TAMM41: variants seen among roughly 807,000 people sequenced by gnomAD.
TAMM41 encodes the protein phosphatidate cytidylyltransferase, mitochondrial.
Under a neutral mutation model 44.1 loss-of-function variants are expected in TAMM41, and 36 were observed. The ratio of observed to expected loss-of-function variants is 0.82; its 90% CI spans 0.63 to 1.08. The LOEUF (loss-of-function observed/expected upper bound fraction) is 1.08, where lower values mean the gene tolerates loss of function less well. Among genes scored for constraint, TAMM41 ranks in the 50% least tolerant of loss-of-function variants. The pLI is 0.00. For synonymous variants in TAMM41, 164 were observed against 153.1 expected (o/e 1.07, Z -0.53); for missense variants, 417 against 404.3 (o/e 1.03, Z -0.27).
intron 6 of TAMM41, chr3:11,808,612 T>C (rs1027374834): frequency 4.1e-6 from 4 of 985,440 alleles, no homozygotes; most frequent in Non-Finnish European, 4.8e-6. Context: ...ATGCACTCAA[T>C]TGACAGAGGG....
At chr3:11,764,185 A>G in the TAMM41 span, among the ~76,000 whole-genome samples, 1 of 151,888 alleles carries the variant, frequency 6.6e-6, no homozygotes, top group East Asian at 1.9e-4. Context: ...TTGTAGAGAC[A>G]GGGTCTCACT....
the TAMM41 span, among the ~76,000 whole-genome samples, chr3:11,770,915 G>T: frequency 6.6e-6 from 1 of 152,240 alleles, no homozygotes; most frequent in Admixed American, 6.5e-5. Flanking sequence ...GGAGGGCCAG[G>T]CCAGGCTCGC....
At chr3:11,756,358 A>T in the TAMM41 span, among the ~76,000 whole-genome samples, 7 of 152,118 alleles carry the variant, frequency 4.6e-5, no homozygotes, top group Non-Finnish European at 1.0e-4. Context: ...GGCCATGCAG[A>T]GGAATAGGCA....
At chr3:11,836,944 TA>T (rs1475601886) in intron 3 of TAMM41, among the ~76,000 whole-genome samples, 1 of 152,382 alleles carries the variant, frequency 6.6e-6, no homozygotes, top group Admixed American at 6.5e-5. Context: ...TTCTGGACTT[TA>T]AAAAATGTTT....
At chr3:11,839,045 T>C (rs2079313315) in intron 3 of TAMM41, among the ~76,000 whole-genome samples, 177 bp downstream of exon 3, 1 of 152,240 alleles carries the variant, frequency 6.6e-6, no homozygotes, top group Non-Finnish European at 1.5e-5. Flanking sequence ...ATATTTCTTC[T>C]TATATCACAA....
intron 4 of TAMM41, among the ~76,000 whole-genome samples, chr3:11,828,283 C>T (rs899235205): frequency 6.6e-6 from 1 of 152,178 alleles, no homozygotes; most frequent in Non-Finnish European, 1.5e-5. Flanking sequence ...ATCAGCTAAA[C>T]TTGGTAGCAG....
At chr3:11,726,800 C>CAAA in the TAMM41 span, among the ~76,000 whole-genome samples, 62 of 93,076 alleles carry the variant, frequency 6.7e-4, no homozygotes, top group African/African-American at 2.1e-3. Flanking sequence ...GACTCTGTCT[C>CAAA]AAAAAAAAAA....
the TAMM41 span, among the ~76,000 whole-genome samples, chr3:11,773,818 G>T: frequency 6.6e-6 from 1 of 152,156 alleles, no homozygotes; most frequent in Non-Finnish European, 1.5e-5. Context: ...GGCCGGGTGC[G>T]GTGGCTCAGC....
chr3:11,822,205 C>A (rs2078552015), intron 4 of TAMM41, among the ~76,000 whole-genome samples: 1 of 152,184 alleles, frequency 6.6e-6, no homozygotes, highest in Admixed American at 6.5e-5. Context: ...AAAAAAAGAT[C>A]ATTTCAGTGC....
rs11919831 is a variant in TAMM41 at position 11,823,406 on chromosome 3, C to A, written c.563-6069G>T. Among the ~76,000 whole-genome samples, 1,375 of 151,136 alleles carry A rather than the reference C, an allele frequency of 9.1e-3. 19 individuals are homozygous for A. The highest frequency in any genetic ancestry group is 0.032 in the African/African-American group (1,305 of 41,210). The stretch of plus-strand genomic sequence containing the variant: ...AAGTAACTGGGATTACAGGTGCACA[C>A]CACCACGTCCAACTAATTTTTTGTA... On this transcript the variant is annotated intron_variant, in intron 4 of 7. Transcript: ENST00000455809.
intron 5 of TAMM41, 100 bp downstream of exon 5, chr3:11,817,092 A>G (rs575474383): frequency 1.6e-6 from 2 of 1,282,852 alleles, no homozygotes; most frequent in Non-Finnish European, 2.1e-6. Flanking sequence ...TTTAAACTAT[A>G]AATGTTCTCA....
the TAMM41 span, among the ~76,000 whole-genome samples, chr3:11,725,925 T>A: frequency 6.6e-6 from 1 of 151,816 alleles, no homozygotes; most frequent in African/African-American, 2.4e-5. Flanking sequence ...GGCTAAGGAG[T>A]TCAGTTCATC....
chr3:11,760,343 C>A, the TAMM41 span, among the ~76,000 whole-genome samples: 1 of 152,206 alleles, frequency 6.6e-6, no homozygotes, highest in African/African-American at 2.4e-5. Flanking sequence ...TCCTCTTGAG[C>A]TCTCTTCAAG....
At chr3:11,775,868 T>A in the TAMM41 span, among the ~76,000 whole-genome samples, 2 of 152,182 alleles carry the variant, frequency 1.3e-5, no homozygotes, top group Non-Finnish European at 2.9e-5. Context: ...CTGTTTCTTT[T>A]TTAAGAGAAG....
intron 1 of TAMM41, among the ~76,000 whole-genome samples, chr3:11,844,413 T>C (rs1003891273): frequency 1.3e-5 from 2 of 152,258 alleles, no homozygotes; most frequent in Non-Finnish European, 1.5e-5. Context: ...TTCTTTAACA[T>C]GTATTGTTGT....
the TAMM41 span, among the ~76,000 whole-genome samples, chr3:11,734,325 T>C: frequency 3.9e-5 from 6 of 152,178 alleles, no homozygotes; most frequent in African/African-American, 1.4e-4. Context: ...GAGTTCCATT[T>C]TGCACGTAGT....
the TAMM41 span, among the ~76,000 whole-genome samples, chr3:11,745,590 C>T: frequency 1.3e-5 from 2 of 152,112 alleles, no homozygotes; most frequent in African/African-American, 2.4e-5. Flanking sequence ...AAACCAAATA[C>T]TGTATATTTC....
chr3:11,808,049 G>C (rs1390122753), intron 6 of TAMM41, 154 bp from the exon 7 acceptor site: 6 of 1,384,718 alleles, frequency 4.3e-6, no homozygotes, highest in Non-Finnish European at 5.7e-6. Context: ...ACAATGAAAA[G>C]GGCAGTGGGA....
At chr3:11,722,983 G>C in the TAMM41 span, among the ~76,000 whole-genome samples, 1 of 151,580 alleles carries the variant, frequency 6.6e-6, no homozygotes, top group African/African-American at 2.4e-5. Context: ...ATTAGCTGGG[G>C]ATGGTGGCTC....
Sources: allele counts gnomAD v4.1 joint callset (sites outside exome capture counted in the v4.1 genomes callset), GRCh38; gene constraint gnomAD v4.1.1; transcripts MANE v1.5; gene names NCBI Gene and HGNC (gene_info 2026-07-23, HGNC 2026-07-21).